The following PARD6G variants were observed in gnomAD, a reference collection of about 807,000 sequenced individuals.
PARD6G encodes partitioning defective 6 homolog gamma.
In PARD6G, 7 loss-of-function variants were observed where a neutral mutation model predicts 10.7. The ratio of observed to expected loss-of-function variants is 0.66; its 90% CI spans 0.37 to 1.23. The LOEUF is 1.23. Ranked by LOEUF, PARD6G falls within the 50% of genes most tolerant of loss-of-function variation. The probability of loss-of-function intolerance (pLI) is 0.02; values close to 1 mark genes in which losing one functional copy is unlikely to be tolerated. For missense variants in PARD6G, 548 were observed against 571.8 expected, an observed-to-expected ratio of 0.96 and a Z score of 0.42; for synonymous variants, 287 against 269.4, an observed-to-expected ratio of 1.07 and a Z score of -0.64.
intron 1 of PARD6G, among the ~76,000 whole-genome samples, chr18:80,213,794 T>A (rs1967131476): frequency 6.6e-6 from 1 of 151,566 alleles, no homozygotes; most frequent in Non-Finnish European, 1.5e-5. Flanking sequence ...CAGCCTCTAC[T>A]AAAAATACAA....
At chr18:80,220,022 C>T (rs377732758) in intron 1 of PARD6G, among the ~76,000 whole-genome samples, 25 of 152,274 alleles carry the variant, frequency 1.6e-4, no homozygotes, top group South Asian at 1.2e-3. Flanking sequence ...TCTGTTCTCA[C>T]ACTGCTATAA....
At chr18:80,171,291 G>C (rs1402448732) in intron 2 of PARD6G, 1 of 152,214 alleles carries the variant, frequency 6.6e-6, no homozygotes, top group Non-Finnish European at 1.5e-5. Flanking sequence ...TGCCTTTTGG[G>C]AAGTCACTCT....
chr18:80,224,764 G>A (rs1368319154), intron 1 of PARD6G, among the ~76,000 whole-genome samples: 4 of 151,972 alleles, frequency 2.6e-5, no homozygotes, highest in Non-Finnish European at 4.4e-5. Context: ...GGAGAATGGC[G>A]TGAACCTGGG....
intron 1 of PARD6G, among the ~76,000 whole-genome samples, chr18:80,208,056 G>A (rs1375662419): frequency 2.0e-5 from 3 of 151,928 alleles, no homozygotes; most frequent in African/African-American, 7.3e-5. Context: ...AGATTTCACT[G>A]TATCAAATCA....
At chr18:80,206,891 T>C (rs1411311304) in intron 1 of PARD6G, among the ~76,000 whole-genome samples, 1 of 152,154 alleles carries the variant, frequency 6.6e-6, no homozygotes, top group Admixed American at 6.5e-5. Flanking sequence ...CAATAAATAC[T>C]TAACGTAAAT....
intron 2 of PARD6G, among the ~76,000 whole-genome samples, chr18:80,160,848 A>C (rs1033976342): frequency 1.3e-5 from 2 of 152,236 alleles, no homozygotes; most frequent in Non-Finnish European, 2.9e-5. Flanking sequence ...CAGAGATTAA[A>C]AGGTGCTAGC....
intron 1 of PARD6G, among the ~76,000 whole-genome samples, chr18:80,240,258 C>CA (rs1447429525): frequency 6.6e-6 from 1 of 152,232 alleles, no homozygotes; most frequent in African/African-American, 2.4e-5. Flanking sequence ...TATGACACTG[C>CA]AAAATATAAT....
At chr18:80,224,277 C>T (rs1967262809) in intron 1 of PARD6G, among the ~76,000 whole-genome samples, 1 of 152,128 alleles carries the variant, frequency 6.6e-6, no homozygotes, top group Non-Finnish European at 1.5e-5. Flanking sequence ...TTTCTTGATA[C>T]CTAAGAGGTC....
chr18:80,226,176 T>C (rs1316934981), intron 1 of PARD6G, among the ~76,000 whole-genome samples: 8 of 143,238 alleles, frequency 5.6e-5, no homozygotes, highest in Admixed American at 4.2e-4. Context: ...TTTTTTTTTT[T>C]TTTTTTTTTT....
In PARD6G at chr18:80,246,415, C is replaced by T. The variant is rs1967547654; in HGVS notation, c.72+862G>A. The stretch of plus-strand genomic sequence containing the variant: ...ATCCTACCAGCCAATTACCCAGACG[C>T]GCATCGCGACCCGCAAGTTCGGGCA... On this transcript the variant is annotated intron_variant, in intron 1 of 2. Transcript: ENST00000353265. The surrounding 1 kb of genome is among the most constrained non-coding windows in gnomAD (Gnocchi z 6.7). Among the ~76,000 whole-genome samples the T allele has an allele frequency of 1.3e-5, 2 of 152,166 alleles. No homozygotes were observed. Among genetic ancestry groups the T allele is most frequent in the East Asian group, 3.9e-4 (2 of 5,176 alleles).
intron 1 of PARD6G, among the ~76,000 whole-genome samples, chr18:80,239,425 C>T (rs1193263254): frequency 6.6e-6 from 1 of 152,016 alleles, no homozygotes; most frequent in African/African-American, 2.4e-5. Context: ...ATAAAATGCA[C>T]TAATGACAGC....
intron 1 of PARD6G, among the ~76,000 whole-genome samples, chr18:80,217,067 T>C (rs1169894634): frequency 1.3e-5 from 2 of 152,124 alleles, no homozygotes; most frequent in Non-Finnish European, 2.9e-5. Context: ...GTGCCTTGGG[T>C]ATTTTATAAT....
intron 1 of PARD6G, among the ~76,000 whole-genome samples, chr18:80,209,698 A>G (rs1463969699): frequency 1.3e-5 from 2 of 152,122 alleles, no homozygotes; most frequent in African/African-American, 2.4e-5. Context: ...TGTAGTCTCA[A>G]TCACTTGGCA....
intron 2 of PARD6G, among the ~76,000 whole-genome samples, chr18:80,178,642 G>A (rs1039922251): frequency 1.3e-5 from 2 of 152,190 alleles, no homozygotes; most frequent in African/African-American, 4.8e-5. Flanking sequence ...TAGCAACGCC[G>A]ACTCTCACCC....
At chr18:80,219,994 A>T (rs1967211893) in intron 1 of PARD6G, among the ~76,000 whole-genome samples, 1 of 152,158 alleles carries the variant, frequency 6.6e-6, no homozygotes, top group South Asian at 2.1e-4. Context: ...TCTCTGTGGT[A>T]CCAATTTACT....
intron 1 of PARD6G, among the ~76,000 whole-genome samples, chr18:80,239,512 C>T (rs982482556): frequency 1.3e-5 from 2 of 152,164 alleles, no homozygotes; most frequent in Non-Finnish European, 1.5e-5. Context: ...TGTTGGGCCA[C>T]GTTATTCAAA....
rs561907934 is a variant in PARD6G, at chr18:80,215,360, G to A, written c.73-12428C>T. Among the ~76,000 whole-genome samples, 4 of 152,230 alleles carry A rather than the reference G, an allele frequency of 2.6e-5. No homozygotes were observed. The East Asian group carries it at 5.8e-4, about 22-fold the overall frequency. ...ACTACATAGGTATATAAAAATGATA[G>A]TATAAATGTATTTTTGTTTGCTTGT... On this transcript the variant is annotated intron_variant, in intron 1 of 2. Coordinates refer to ENST00000353265, the MANE Select transcript of PARD6G (RefSeq NM_032510.4).
chr18:80,177,847 A>G (rs778092191), intron 2 of PARD6G, among the ~76,000 whole-genome samples: 3 of 151,554 alleles, frequency 2.0e-5, no homozygotes, highest in Non-Finnish European at 4.4e-5. Flanking sequence ...TCGCAGTCCA[A>G]ACGGGAAGCA....
At chr18:80,217,299 T>C (rs1051198784) in intron 1 of PARD6G, among the ~76,000 whole-genome samples, 3 of 152,146 alleles carry the variant, frequency 2.0e-5, no homozygotes, top group Admixed American at 2.0e-4. Context: ...AGGTCTACCA[T>C]ACAGAAGAAT....
Sources: allele counts gnomAD v4.1 joint callset (sites outside exome capture counted in the v4.1 genomes callset), GRCh38; gene constraint gnomAD v4.1.1; non-coding constraint Gnocchi (gnomAD v3.1); transcripts MANE v1.5; gene names NCBI Gene and HGNC (gene_info 2026-07-23, HGNC 2026-07-21).